The following FAM228B variants were observed in gnomAD, a reference collection of about 807,000 sequenced individuals.
The protein encoded by FAM228B is family with sequence similarity 228 member B.
A neutral mutation model predicts 42.6 loss-of-function variants in FAM228B; 38 were observed. The observed-to-expected ratio is 0.89, with a 90% CI of 0.69 to 1.17. FAM228B has a LOEUF of 1.17. FAM228B is among the 50% of genes most tolerant of loss of function. The pLI, the probability that FAM228B is intolerant of heterozygous loss-of-function variation, is 0.00. For synonymous variants in FAM228B, 109 were observed against 122.3 expected (o/e 0.89, Z 0.72); for missense variants, 344 against 367.3 (o/e 0.94, Z 0.52).
At chr2:24,128,189 C>T (rs1314744462) in intron 2 of FAM228B, among the ~76,000 whole-genome samples, 1 of 152,158 alleles carries the variant, frequency 6.6e-6, no homozygotes, top group East Asian at 1.9e-4. Context: ...ATTTTTATCT[C>T]AAGTATAATT....
intron 7 of FAM228B, among the ~76,000 whole-genome samples, chr2:24,160,948 G>A (rs778543872): frequency 6.6e-6 from 1 of 152,146 alleles, no homozygotes; most frequent in Non-Finnish European, 1.5e-5. Flanking sequence ...TTAGTGGATA[G>A]GGAGTACTTT....
In FAM228B at chr2:24,132,464, G is replaced by GTTTTTTTTTT. The variant is rs548264853; in HGVS notation, c.100-2638_100-2629dup. On this transcript the variant is annotated intron_variant, in intron 2 of 10. Coordinates refer to ENST00000615575, the MANE Select transcript of FAM228B (RefSeq NM_001145710.2). ...CATGAATCCCTCTGGTCCTGGGATT[G>GTTTTTTTTTT]TTTTTTTTTTTTTTTTTTTTTTTTT... Among the ~76,000 whole-genome samples, 30 of 56,006 alleles carry GTTTTTTTTTT rather than the reference G, an allele frequency of 5.4e-4. 2 individuals are homozygous for GTTTTTTTTTT. The highest frequency in any genetic ancestry group is 6.4e-4 in the African/African-American group (10 of 15,698). 36.7% of individuals were successfully genotyped at this position (56,006 alleles called of 152,430 possible). A position where few individuals can be genotyped will look rare whatever the true frequency, so the allele number is the denominator to read the frequency against.
chr2:24,122,326 C>CAAA (rs71397404), upstream of FAM228B: 6,540 of 745,580 alleles, frequency 8.8e-3, 79 homozygotes, highest in South Asian at 0.013. Flanking sequence ...AATTCCGTCT[C>CAAA]AAAAAAAAAA....
In FAM228B at chr2:24,135,034, G is replaced by A. The variant is rs540588140; in HGVS notation, c.100-85G>A. The stretch of plus-strand genomic sequence containing the variant: ...TGCATAGAGAACTTTCCAGGGATAT[G>A]TCTGTCATGCTAAATATAATGATTC... On this transcript the variant is annotated intron_variant, in intron 2 of 10. Transcript: ENST00000615575. 803 of 859,326 alleles carry A rather than the reference G, an allele frequency of 9.3e-4. 3 individuals are homozygous for A. Among genetic ancestry groups the A allele is most frequent in the Middle Eastern group, 2.8e-3 (13 of 4,604 alleles). The allele number at this position is 859,326 out of a possible 1,614,324, so 53.2% of individuals were successfully genotyped here. A position where few individuals can be genotyped will look rare whatever the true frequency, so the allele number is the denominator to read the frequency against.
chr2:24,108,626 G>A (rs1665737733), intron 3 of FAM228B, among the ~76,000 whole-genome samples: 1 of 152,190 alleles, frequency 6.6e-6, no homozygotes. Flanking sequence ...AATTGGCCGG[G>A]CACAGTGGCT....
rs537844180 is a variant in FAM228B at position 24,114,701 on chromosome 2, T to C, written c.-121+19472T>C. ...TACCAACCAGGCTGGCCTGAGGATGTTGTCAGGGAAAAAAAGATGCATCAT... is the reference window on the plus strand; with the variant it reads ...TACCAACCAGGCTGGCCTGAGGATGCTGTCAGGGAAAAAAAGATGCATCAT... On this transcript the variant is annotated intron_variant, in intron 3 of 10. Coordinates refer to the FAM228B transcript ENST00000613899. 9.2e-5 allele frequency among the ~76,000 whole-genome samples: 14 copies of C among 152,262 alleles called. No individual in the cohort carries two copies. The South Asian group carries it at 2.7e-3, about 29-fold the overall frequency.
chr2:24,109,765 T>C (rs542471549), intron 3 of FAM228B, among the ~76,000 whole-genome samples: 12 of 152,240 alleles, frequency 7.9e-5, no homozygotes, highest in African/African-American at 2.6e-4. Flanking sequence ...ATGGCTATTA[T>C]TAAAAAGTCA....
chr2:24,103,109 G>A (rs1044333997), intron 3 of FAM228B, among the ~76,000 whole-genome samples: 44 of 152,108 alleles, frequency 2.9e-4, no homozygotes, highest in Non-Finnish European at 6.0e-4. Context: ...TTGAACAATG[G>A]AGGATGAAAG....
upstream of FAM228B, among the ~76,000 whole-genome samples, chr2:24,121,724 A>G (rs1666124996): frequency 3.3e-5 from 5 of 152,060 alleles, no homozygotes; most frequent in South Asian, 1.0e-3. Context: ...GGAAGCTGTG[A>G]GTTTTCACTG....
intron 6 of FAM228B, 38 bp from the exon 7 acceptor site, chr2:24,146,892 T>G: frequency 6.5e-7 from 1 of 1,542,996 alleles, no homozygotes; most frequent in Admixed American, 2.0e-5. Flanking sequence ...GGCAGATGCA[T>G]TTAAGGATGT....
At chr2:24,082,871 G>A in intron 2 of FAM228B, 2 of 1,594,308 alleles carry the variant, frequency 1.3e-6, no homozygotes, top group Non-Finnish European at 1.7e-6. Context: ...GAGTGAGCAT[G>A]GAGGCCTCCT....
intron 3 of FAM228B, among the ~76,000 whole-genome samples, chr2:24,114,123 G>A (rs909471502): frequency 1.3e-5 from 2 of 152,110 alleles, no homozygotes; most frequent in Non-Finnish European, 2.9e-5. Context: ...TGCCCTAGAT[G>A]GCATGTCTTT....
chr2:24,124,584 CCTTCA>C, intron 2 of FAM228B, 124 bp downstream of exon 2: 4 of 599,262 alleles, frequency 6.7e-6, no homozygotes, highest in Non-Finnish European at 8.6e-6. Flanking sequence ...TTTATTATTC[CCTTCA>C]CTTTACTAAC....
chr2:24,156,447 A>G (rs911134743), intron 7 of FAM228B, among the ~76,000 whole-genome samples: 3 of 152,126 alleles, frequency 2.0e-5, no homozygotes, highest in Admixed American at 6.5e-5. Flanking sequence ...AACCTGGCCA[A>G]CATGGTGAAA....
intron 8 of FAM228B, among the ~76,000 whole-genome samples, chr2:24,163,397 T>C (rs1007126778): frequency 3.3e-5 from 5 of 152,182 alleles, no homozygotes; most frequent in Admixed American, 3.3e-4. Context: ...TCATTGTCCT[T>C]GAGGTGTGGT....
chr2:24,144,674 C>G (rs1666851123), intron 5 of FAM228B, among the ~76,000 whole-genome samples: 1 of 152,138 alleles, frequency 6.6e-6, no homozygotes. Flanking sequence ...TGGCAGCAAC[C>G]TTGCTGACCT....
chr2:24,163,694 G>C (rs897198569), intron 8 of FAM228B, among the ~76,000 whole-genome samples: 2 of 152,162 alleles, frequency 1.3e-5, no homozygotes, highest in Non-Finnish European at 2.9e-5. Flanking sequence ...GAGAGATTTT[G>C]TTCTCAAATA....
At chr2:24,128,700 CTT>C (rs71397406) in intron 2 of FAM228B, among the ~76,000 whole-genome samples, 1 of 148,622 alleles carries the variant, frequency 6.7e-6, no homozygotes, top group Non-Finnish European at 1.5e-5. Context: ...TATAAATACT[CTT>C]TTTTTTTTAA....
chr2:24,135,353 A>G (rs1296924914), intron 3 of FAM228B, among the ~76,000 whole-genome samples, 166 bp downstream of exon 3: 1 of 152,224 alleles, frequency 6.6e-6, no homozygotes, highest in African/African-American at 2.4e-5. Flanking sequence ...AAATTGCTCT[A>G]ATGGACTTCC....
Sources: allele counts gnomAD v4.1 joint callset (sites outside exome capture counted in the v4.1 genomes callset), GRCh38; gene constraint gnomAD v4.1.1; transcripts MANE v1.5; gene names NCBI Gene and HGNC (gene_info 2026-07-23, HGNC 2026-07-21).